MKLN1: variants seen among roughly 807,000 people sequenced by gnomAD.
The protein encoded by MKLN1 is muskelin.
A neutral mutation model predicts 99.0 loss-of-function variants in MKLN1; 18 were observed. That is an observed-to-expected ratio of 0.18 (90% CI 0.13 to 0.27). The LOEUF (loss-of-function observed/expected upper bound fraction) is 0.27, where lower values mean the gene tolerates loss of function less well. Ranked by LOEUF, MKLN1 falls within the 10% of genes least tolerant of loss-of-function variation. The probability of loss-of-function intolerance (pLI) is 1.00; values close to 1 mark genes in which losing one functional copy is unlikely to be tolerated. For synonymous variants in MKLN1, 288 were observed against 293.2 expected (o/e 0.98, Z 0.18); for missense variants, 621 against 875.9 (o/e 0.71, Z 3.67).
intron 3 of MKLN1, among the ~76,000 whole-genome samples, chr7:131,291,219 C>T (rs1214233196): frequency 1.3e-5 from 2 of 151,724 alleles, no homozygotes; most frequent in Non-Finnish European, 2.9e-5. Flanking sequence ...CAACCTCCGC[C>T]TCCCAGGTTC....
At chr7:131,227,312 A>G (rs931816655) in intron 3 of MKLN1, among the ~76,000 whole-genome samples, 1 of 152,022 alleles carries the variant, frequency 6.6e-6, no homozygotes, top group African/African-American at 2.4e-5. Context: ...CTTTATGATA[A>G]GGAGACTTCC....
chr7:131,143,075 T>C, intron 2 of MKLN1: 1 of 479,932 alleles, frequency 2.1e-6, no homozygotes, highest in Non-Finnish European at 3.7e-6. Context: ...CTAGTCTAGT[T>C]GTTTTCACAA....
intron 1 of MKLN1, among the ~76,000 whole-genome samples, chr7:131,333,781 G>A (rs190964405): frequency 3.7e-4 from 56 of 152,146 alleles, no homozygotes; most frequent in African/African-American, 8.9e-4. Flanking sequence ...CAGGTGATCC[G>A]CCCACCTCGG....
intron 4 of MKLN1, among the ~76,000 whole-genome samples, chr7:131,393,164 G>A (rs1794257270): frequency 6.6e-6 from 1 of 152,148 alleles, no homozygotes; most frequent in African/African-American, 2.4e-5. Flanking sequence ...TTGTCCAATG[G>A]GGAAAACTGA....
chr7:131,208,311 C>T (rs1271066715), intron 3 of MKLN1, among the ~76,000 whole-genome samples: 1 of 152,170 alleles, frequency 6.6e-6, no homozygotes, highest in East Asian at 1.9e-4. Context: ...AAGAATAACT[C>T]TGCTAGGCAT....
chr7:131,329,610 T>C (rs1366341255), intron 1 of MKLN1, among the ~76,000 whole-genome samples: 2 of 152,206 alleles, frequency 1.3e-5, no homozygotes, highest in Non-Finnish European at 2.9e-5. Context: ...TGAATTAGCG[T>C]ATTTCCAGGA....
intron 1 of MKLN1, among the ~76,000 whole-genome samples, chr7:131,125,857 T>A (rs1360406935): frequency 4.6e-5 from 7 of 151,322 alleles, no homozygotes; most frequent in Admixed American, 4.6e-4. Context: ...ACAAAAAAAA[T>A]TAGCCGGGCG....
At chr7:131,198,081 G>T (rs1796675527) in intron 2 of MKLN1, among the ~76,000 whole-genome samples, 1 of 152,186 alleles carries the variant, frequency 6.6e-6, no homozygotes, top group Non-Finnish European at 1.5e-5. Flanking sequence ...TTGACTGAAA[G>T]ACACTTAGAA....
chr7:131,414,044 G>A (rs756112511), intron 7 of MKLN1, among the ~76,000 whole-genome samples: 5 of 151,878 alleles, frequency 3.3e-5, no homozygotes, highest in Non-Finnish European at 5.9e-5. Flanking sequence ...AAATTAGGTG[G>A]GAACTGATTG....
Position 131,480,375 on chromosome 7 carries a change from G to C in MKLN1, c.2086+1698G>C, listed in dbSNP as rs566712658. 3.9e-5 allele frequency among the ~76,000 whole-genome samples: 6 copies of C among 152,272 alleles called. No individual in the cohort carries two copies. The South Asian group carries it at 1.2e-3, about 32-fold the overall frequency. ...TTATTTGACCTTTTATCTCTTGAAA[G>C]TGAACTGTACCTCAAAGAAAAAAGA... On this transcript the variant is annotated intron_variant, in intron 17 of 17. Transcript: ENST00000352689.
At chr7:131,294,585 T>C (rs1229641373) in intron 3 of MKLN1, among the ~76,000 whole-genome samples, 1 of 152,232 alleles carries the variant, frequency 6.6e-6, no homozygotes, top group Non-Finnish European at 1.5e-5. Flanking sequence ...GCTCATTTTG[T>C]GTTGCCTGGG....
At chr7:131,338,217 A>G (rs1042063611) in intron 1 of MKLN1, among the ~76,000 whole-genome samples, 4 of 152,226 alleles carry the variant, frequency 2.6e-5, no homozygotes, top group African/African-American at 9.7e-5. Context: ...AAGCTGATAA[A>G]TCCCTTAAGA....
At chr7:131,428,163 T>G (rs181318566) in intron 8 of MKLN1, among the ~76,000 whole-genome samples, 1 of 151,846 alleles carries the variant, frequency 6.6e-6, no homozygotes. Context: ...AGACCGTGTC[T>G]CAAAATAAAT....
At chr7:131,117,432 GA>G (rs1202545740) in intron 1 of MKLN1, among the ~76,000 whole-genome samples, 3 of 68,228 alleles carry the variant, frequency 4.4e-5, no homozygotes, top group African/African-American at 1.3e-4. Context: ...TCCATCTCAG[GA>G]AAAACAACAA....
chr7:131,271,958 G>A (rs1382101529), intron 3 of MKLN1, among the ~76,000 whole-genome samples: 4 of 151,940 alleles, frequency 2.6e-5, no homozygotes, highest in Non-Finnish European at 5.9e-5. Flanking sequence ...ACAGTATTAC[G>A]TTTATGGAAC....
intron 3 of MKLN1, among the ~76,000 whole-genome samples, chr7:131,275,244 A>G (rs916190229): frequency 6.6e-6 from 1 of 152,070 alleles, no homozygotes; most frequent in Middle Eastern, 3.4e-3. Context: ...GAAAGACAGC[A>G]AGAGAGCTCT....
At chr7:131,338,399 C>A (rs1799311484) in intron 1 of MKLN1, among the ~76,000 whole-genome samples, 4 of 152,170 alleles carry the variant, frequency 2.6e-5, no homozygotes, top group African/African-American at 9.7e-5. Flanking sequence ...CTTCTTAGCC[C>A]CTTGGCCTGT....
intron 10 of MKLN1, among the ~76,000 whole-genome samples, chr7:131,442,549 G>GA (rs572870635): frequency 1.6e-4 from 24 of 148,430 alleles, no homozygotes; most frequent in South Asian, 1.3e-3. Context: ...TTCTGTCTAG[G>GA]AAAAAAAAAC....
In MKLN1 at chr7:131,112,225, G is replaced by C. The variant is rs569262210; in HGVS notation, c.-419+2018G>C. ...TTGTAGGTCTTATGTCAGTTTCTTC[G>C]TGGAAGCTTAAATGAAAGTGCTGGA... is the stretch of plus-strand genomic sequence containing the variant. On this transcript the variant is annotated intron_variant, in intron 1 of 7. Transcript: ENST00000416992. Among the ~76,000 whole-genome samples the C allele has an allele frequency of 2.6e-5, 4 of 152,314 alleles. No homozygotes were observed. The South Asian group carries it at 8.3e-4, about 32-fold the overall frequency.
Sources: gnomAD v4.1 joint callset for allele counts (sites outside exome capture counted in the v4.1 genomes callset) on GRCh38, gnomAD v4.1.1 for gene constraint, MANE v1.5 for transcripts, NCBI Gene and HGNC (gene_info 2026-07-23, HGNC 2026-07-21) for gene names.